GRM7: variants seen among roughly 807,000 people sequenced by gnomAD.
GRM7 encodes glutamate metabotropic receptor 7.
A neutral mutation model predicts 84.5 loss-of-function variants in GRM7; 35 were observed. The observed-to-expected ratio is 0.41, with a 90% CI of 0.32 to 0.55. The LOEUF is 0.55. GRM7 is among the 20% of genes least tolerant of loss of function. The pLI is 0.19. For synonymous variants in GRM7, 487 were observed against 455.1 expected (o/e 1.07, Z -0.89); for missense variants, 1,003 against 1,194.6 (o/e 0.84, Z 2.36).
chr3:7,021,836 C>A (rs778608823), intron 1 of GRM7, among the ~76,000 whole-genome samples: 2 of 152,090 alleles, frequency 1.3e-5, no homozygotes. Flanking sequence ...AGGTACTGAG[C>A]AATTCATATA....
intron 7 of GRM7, among the ~76,000 whole-genome samples, chr3:7,528,707 T>C (rs894762384): frequency 6.6e-6 from 1 of 152,112 alleles, no homozygotes; most frequent in Non-Finnish European, 1.5e-5. Context: ...CATTTTGGTA[T>C]GTTGTGTCTG....
chr3:6,943,298 A>G (rs1358393655), intron 1 of GRM7, among the ~76,000 whole-genome samples: 1 of 151,414 alleles, frequency 6.6e-6, no homozygotes, highest in African/African-American at 2.4e-5. Context: ...TTTGCCCAAT[A>G]TTTTCTTCTA....
At chr3:6,880,927 T>C in intron 1 of GRM7, among the ~76,000 whole-genome samples, 1 of 152,270 alleles carries the variant, frequency 6.6e-6, no homozygotes, top group South Asian at 2.1e-4. Context: ...AATCAGTATG[T>C]TATTATAATT....
rs1477620935 is a variant in GRM7 at position 6,861,611 on chromosome 3, G to A, written c.223G>A (p.Gly75Arg). The change falls in exon 1 of 10, where the codon GGG becomes AGG. Residue 75 changes from glycine (G) to arginine (R), a missense_variant. Coordinates refer to ENST00000357716, the MANE Select transcript of GRM7 (RefSeq NM_000844.4). The surrounding 1 kb of genome is among the most constrained non-coding windows in gnomAD (Gnocchi z 6.4). Reference sequence around the variant, plus strand: ...CTGCGGCGACATCAAGAGGGAAAACGGGATCCACAGGCTGGAAGCGATGCT... The same window carrying A: ...CTGCGGCGACATCAAGAGGGAAAACAGGATCCACAGGCTGGAAGCGATGCT... The part of the protein sequence containing the change: ...VPCGDIKREN[G>R]IHRLEAMLYA... 1.9e-6 allele frequency: 3 copies of A among 1,612,558 alleles called. No individual in the cohort carries two copies. Among genetic ancestry groups the A allele is most frequent in the African/African-American group, 1.3e-5 (1 of 75,006 alleles).
intron 1 of GRM7, among the ~76,000 whole-genome samples, chr3:6,946,543 G>C (rs1306851323): frequency 6.6e-6 from 1 of 152,138 alleles, no homozygotes; most frequent in Non-Finnish European, 1.5e-5. Context: ...GGCAATGCAG[G>C]CTCTTTTTTG....
chr3:7,237,925 G>C lies in GRM7; in HGVS notation c.737-60759G>C, dbSNP rs148031731. 7.5e-3 allele frequency among the ~76,000 whole-genome samples: 1,142 copies of C among 152,198 alleles called. 18 individuals carry two copies. The highest frequency in any genetic ancestry group is 0.024 in the African/African-American group (997 of 41,514). Reference sequence around the variant, plus strand: ...GATTGGTGCGTTTTTACAGAGTACTGATTGGTGCGTTTACAGACCTTTAGC... The same window carrying C: ...GATTGGTGCGTTTTTACAGAGTACTCATTGGTGCGTTTACAGACCTTTAGC... On this transcript the variant is annotated intron_variant, in intron 2 of 9. Coordinates refer to ENST00000357716, the MANE Select transcript of GRM7 (RefSeq NM_000844.4).
chr3:7,431,732 G>T (rs1432402454), intron 5 of GRM7, among the ~76,000 whole-genome samples: 1 of 152,074 alleles, frequency 6.6e-6, no homozygotes, highest in Non-Finnish European at 1.5e-5. Flanking sequence ...GACAGTTTTG[G>T]GAGTGTAGAA....
chr3:7,198,194 T>G (rs573053687), intron 2 of GRM7, among the ~76,000 whole-genome samples: 2 of 149,896 alleles, frequency 1.3e-5, no homozygotes, highest in South Asian at 2.1e-4. Context: ...ACAGGCACAC[T>G]AGCTAAAGGG....
intron 7 of GRM7, among the ~76,000 whole-genome samples, chr3:7,530,796 T>C (rs561986588): frequency 6.6e-6 from 1 of 152,174 alleles, no homozygotes; most frequent in South Asian, 2.1e-4. Flanking sequence ...GGTCTGTTTT[T>C]TTTTTTCCTG....
intron 7 of GRM7, among the ~76,000 whole-genome samples, chr3:7,550,048 C>T (rs982734874): frequency 1.6e-4 from 25 of 152,112 alleles, no homozygotes; most frequent in Admixed American, 1.3e-4. Flanking sequence ...TCATCCTCCC[C>T]CTCTTTACAT....
Position 7,021,525 on chromosome 3 carries a change from T to A in GRM7, c.520-124927T>A, listed in dbSNP as rs959984891. Among the ~76,000 whole-genome samples, 5 of 152,170 alleles carry A rather than the reference T, an allele frequency of 3.3e-5. No individual in the cohort carries two copies. The East Asian group carries it at 9.6e-4, about 29-fold the overall frequency. ...ACATCTAAAAACTGTGGTGCATAAT[T>A]CTCACATCTCAGTTCTGCCCAGGAC... On this transcript the variant is annotated intron_variant, in intron 1 of 9. Coordinates refer to ENST00000357716, the MANE Select transcript of GRM7 (RefSeq NM_000844.4).
intron 4 of GRM7, among the ~76,000 whole-genome samples, chr3:7,390,196 ATTGTAAGG>A (rs1416080574): frequency 6.6e-6 from 1 of 151,942 alleles, no homozygotes; most frequent in Admixed American, 6.6e-5. Flanking sequence ...TCTCTTCTGG[ATTGTAAGG>A]TTTCTGCTGA....
intron 1 of GRM7, among the ~76,000 whole-genome samples, chr3:7,097,360 C>T (rs949859970): frequency 1.3e-5 from 2 of 152,102 alleles, no homozygotes; most frequent in African/African-American, 4.8e-5. Context: ...CCAATGGATA[C>T]TAGTTTCTTG....
chr3:7,604,135 T>TTA (rs1696450060), intron 8 of GRM7, among the ~76,000 whole-genome samples: 1 of 146,410 alleles, frequency 6.8e-6, no homozygotes, highest in African/African-American at 2.5e-5. Context: ...GGTTTGTTCT[T>TTA]AAAAAAAAAA....
chr3:7,544,822 G>T (rs1575476214), intron 7 of GRM7, among the ~76,000 whole-genome samples: 1 of 151,916 alleles, frequency 6.6e-6, no homozygotes, highest in Non-Finnish European at 1.5e-5. Context: ...AAATACCACA[G>T]ATATCAATTT....
chr3:7,044,907 G>A (rs1435220392), intron 1 of GRM7, among the ~76,000 whole-genome samples: 2 of 152,072 alleles, frequency 1.3e-5, no homozygotes, highest in African/African-American at 4.8e-5. Context: ...CAATTTGCAG[G>A]TCATTTTTTA....
At chr3:7,305,443 C>A (rs1700161143) in intron 3 of GRM7, among the ~76,000 whole-genome samples, 1 of 93,554 alleles carries the variant, frequency 1.1e-5, no homozygotes. Flanking sequence ...GTGCGCTGCA[C>A]CCACTAACGT....
intron 1 of GRM7, among the ~76,000 whole-genome samples, chr3:7,007,768 A>C (rs1310760938): frequency 6.6e-6 from 1 of 152,230 alleles, no homozygotes; most frequent in Non-Finnish European, 1.5e-5. Flanking sequence ...TTGAAGAAGA[A>C]AACACTAAAT....
At chr3:7,273,370 G>A (rs1180797740) in intron 2 of GRM7, among the ~76,000 whole-genome samples, 1 of 152,126 alleles carries the variant, frequency 6.6e-6, no homozygotes, top group Non-Finnish European at 1.5e-5. Context: ...ATTCTATGTA[G>A]TTGACTGTTG....
Sources: gnomAD v4.1 joint callset for allele counts (sites outside exome capture counted in the v4.1 genomes callset) on GRCh38, gnomAD v4.1.1 for gene constraint, Gnocchi (gnomAD v3.1) non-coding constraint, MANE v1.5 for transcripts, NCBI Gene and HGNC (gene_info 2026-07-23, HGNC 2026-07-21) for gene names.